Variants in ROR1 observed in about 807,000 individuals in gnomAD.
ROR1 encodes the protein ROR family WNT receptor 1, also known as inactive tyrosine-protein kinase transmembrane receptor ROR1.
In ROR1, 19 loss-of-function variants were observed where a neutral mutation model predicts 78.8. The ratio of observed to expected loss-of-function variants is 0.24; its 90% confidence interval spans 0.17 to 0.35. ROR1 has a LOEUF of 0.35. Ranked by LOEUF, ROR1 falls within the 10% of genes least tolerant of loss-of-function variation. ROR1 has a pLI of 1.00. For missense variants in ROR1, 917 were observed against 1,177.8 expected, an observed-to-expected ratio of 0.78 and a Z score of 3.24; for synonymous variants, 386 against 433.6, an observed-to-expected ratio of 0.89 and a Z score of 1.36.
chr1:64,101,807 TGA>T (rs1647558429), intron 4 of ROR1, among the ~76,000 whole-genome samples: 1 of 152,188 alleles, frequency 6.6e-6, no homozygotes, highest in Non-Finnish European at 1.5e-5. Context: ...TACGTTTATC[TGA>T]GAGAGAGGCA....
chr1:63,982,893 T>C (rs1646221258), intron 1 of ROR1, among the ~76,000 whole-genome samples: 1 of 152,182 alleles, frequency 6.6e-6, no homozygotes, highest in Non-Finnish European at 1.5e-5. Flanking sequence ...CTGTCTGTGC[T>C]TTAGTTTTCT....
chr1:64,146,940 T>C (rs1028982846), intron 7 of ROR1, among the ~76,000 whole-genome samples: 2 of 152,212 alleles, frequency 1.3e-5, no homozygotes, highest in Non-Finnish European at 2.9e-5. Flanking sequence ...TCAAAGGGGC[T>C]ACAGGACTTG....
chr1:64,058,713 T>A (rs1422605322), intron 4 of ROR1, among the ~76,000 whole-genome samples: 1 of 152,052 alleles, frequency 6.6e-6, no homozygotes, highest in African/African-American at 2.4e-5. Flanking sequence ...AATTTCTTCT[T>A]ATCTTTTGCT....
At chr1:63,806,661 T>G (rs1644832023) in intron 1 of ROR1, among the ~76,000 whole-genome samples, 1 of 152,198 alleles carries the variant, frequency 6.6e-6, no homozygotes, top group Non-Finnish European at 1.5e-5. Context: ...TTGTTTTTGT[T>G]TTTGTTTTGG....
chr1:64,061,847 C>T (rs991022752), intron 4 of ROR1, among the ~76,000 whole-genome samples: 7 of 152,094 alleles, frequency 4.6e-5, no homozygotes, highest in African/African-American at 1.4e-4. Flanking sequence ...TCAACATTTC[C>T]TCTGTTATAG....
At position 63,806,623 on chromosome 1, in the gene ROR1, A is replaced by G. The variant is rs116506203; in HGVS notation, c.91+32115A>G. Among the ~76,000 whole-genome samples, 821 of 152,288 alleles carry G rather than the reference A, an allele frequency of 5.4e-3. 7 individuals are homozygous for G. Among genetic ancestry groups the G allele is most frequent in the African/African-American group, 0.019 (793 of 41,560 alleles). ...TGAGCCACCGCGCCTGGCCCAGACT[A>G]TTTAATTTTTGTAAATAATTTAGTG... On this transcript the variant is annotated intron_variant, in intron 1 of 8. Coordinates refer to ENST00000371079, the MANE Select transcript of ROR1 (RefSeq NM_005012.4).
rs879676151 is a variant in ROR1 at position 63,823,764 on chromosome 1, CT to C, written c.91+49270del. Among the ~76,000 whole-genome samples, 997 of 144,740 alleles carry C rather than the reference CT, an allele frequency of 6.9e-3. 4 individuals carry two copies. The highest frequency in any genetic ancestry group is 0.02 in the African/African-American group (776 of 39,756). 95.0% of individuals were successfully genotyped at this position (144,740 alleles called of 152,430 possible). A position where few individuals can be genotyped will look rare whatever the true frequency, so the allele number is the denominator to read the frequency against. ...CCCCACACCCAGTCAAAATCTTAAA[CT>C]TTTTTTTTTTTTTGAGACGAAGTCT... On this transcript the variant is annotated intron_variant, in intron 1 of 8. Transcript: ENST00000371079.
intron 1 of ROR1, among the ~76,000 whole-genome samples, chr1:63,805,320 T>TG (rs1266055771): frequency 6.6e-6 from 1 of 152,202 alleles, no homozygotes. Context: ...GGTCAGCCAC[T>TG]GGCTCAGTGT....
At chr1:64,071,222 G>A (rs1419611480) in intron 4 of ROR1, among the ~76,000 whole-genome samples, 2 of 152,286 alleles carry the variant, frequency 1.3e-5, no homozygotes, top group Middle Eastern at 3.4e-3. Context: ...GAAGCCATGG[G>A]AGGGTTTCAG....
intron 1 of ROR1, among the ~76,000 whole-genome samples, chr1:63,867,504 A>G (rs1017080622): frequency 6.6e-6 from 1 of 152,210 alleles, no homozygotes; most frequent in African/African-American, 2.4e-5. Context: ...GAAATCCATG[A>G]AAAGATAATG....
intron 4 of ROR1, among the ~76,000 whole-genome samples, chr1:64,128,349 G>A (rs1050288099): frequency 6.6e-6 from 1 of 150,874 alleles, no homozygotes; most frequent in African/African-American, 2.4e-5. Context: ...CAAGCCTGTA[G>A]TTACAGCTAC....
At chr1:64,080,336 G>A (rs573956706) in intron 4 of ROR1, among the ~76,000 whole-genome samples, 5 of 152,114 alleles carry the variant, frequency 3.3e-5, no homozygotes, top group East Asian at 1.9e-4. Flanking sequence ...GCCCTACAGC[G>A]CACAGGACAG....
At chr1:64,158,827 C>T (rs1649850001) in intron 7 of ROR1, among the ~76,000 whole-genome samples, 154 bp from the exon 8 acceptor site, 1 of 152,128 alleles carries the variant, frequency 6.6e-6, no homozygotes, top group African/African-American at 2.4e-5. Flanking sequence ...TTGATGGAAA[C>T]AAATGGTAAT....
intron 1 of ROR1, among the ~76,000 whole-genome samples, chr1:63,942,733 C>G (rs1054630409): frequency 1.3e-5 from 2 of 152,154 alleles, no homozygotes; most frequent in African/African-American, 2.4e-5. Flanking sequence ...AGCTTGGCAA[C>G]GAAGCTATAT....
intron 1 of ROR1, among the ~76,000 whole-genome samples, chr1:63,899,780 T>C (rs1403326325): frequency 1.3e-5 from 2 of 151,872 alleles, no homozygotes; most frequent in African/African-American, 4.8e-5. Context: ...TACAAAGTTC[T>C]TCTAATTTTT....
At chr1:63,855,908 C>T (rs757707735) in intron 1 of ROR1, among the ~76,000 whole-genome samples, 12 of 152,006 alleles carry the variant, frequency 7.9e-5, no homozygotes, top group South Asian at 2.1e-4. Context: ...CCGCCCACCT[C>T]GGCCTCCCAA....
At chr1:64,007,918 T>G (rs550380953) in intron 1 of ROR1, among the ~76,000 whole-genome samples, 2 of 151,738 alleles carry the variant, frequency 1.3e-5, no homozygotes, top group African/African-American at 4.8e-5. Flanking sequence ...TTCTTGTTAA[T>G]GTAGTATTTT....
At chr1:64,162,784 T>A (rs567227541) in intron 8 of ROR1, among the ~76,000 whole-genome samples, 2 of 152,208 alleles carry the variant, frequency 1.3e-5, no homozygotes, top group Admixed American at 6.5e-5. Context: ...TGAGTGAGGT[T>A]GTTTTTTCTT....
chr1:64,073,522 T>G (rs1031499550), intron 4 of ROR1, among the ~76,000 whole-genome samples: 15 of 152,014 alleles, frequency 9.9e-5, no homozygotes, highest in Admixed American at 3.9e-4. Context: ...CTTCACCTTC[T>G]GTTTTCTTCC....
Sources: allele counts gnomAD v4.1 joint callset (sites outside exome capture counted in the v4.1 genomes callset), GRCh38; gene constraint gnomAD v4.1.1; transcripts MANE v1.5; gene names NCBI Gene and HGNC (gene_info 2026-07-23, HGNC 2026-07-21).